The following DNAH9 variants were observed in gnomAD, a reference collection of about 807,000 sequenced individuals.
DNAH9 encodes the protein DNAH9 variant protein.
In DNAH9, 345 loss-of-function variants were observed where a neutral mutation model predicts 471.6. That is an observed-to-expected ratio of 0.73 (90% confidence interval 0.67 to 0.80). The LOEUF (loss-of-function observed/expected upper bound fraction) is 0.80, where lower values mean the gene tolerates loss of function less well. Among genes scored for constraint, DNAH9 ranks in the 30% least tolerant of loss-of-function variants. DNAH9 has a pLI of 0.00. For missense variants in DNAH9, 5,407 were observed against 5,609.2 expected, an observed-to-expected ratio of 0.96 and a Z score of 1.15; for synonymous variants, 2,093 against 2,123.6, an observed-to-expected ratio of 0.99 and a Z score of 0.40.
intron 49 of DNAH9, among the ~76,000 whole-genome samples, chr17:11,837,526 C>T (rs1295340532): frequency 6.6e-6 from 1 of 152,212 alleles, no homozygotes; most frequent in Non-Finnish European, 1.5e-5. Context: ...CTACTGCTAC[C>T]ACTCAGGTCC....
chr17:11,956,313 A>G (rs914639791), intron 67 of DNAH9, among the ~76,000 whole-genome samples: 15 of 152,192 alleles, frequency 9.9e-5, no homozygotes, highest in African/African-American at 3.6e-4. Flanking sequence ...GTGTATAGGC[A>G]CCTCATAACA....
intron 54 of DNAH9, 35 bp downstream of exon 54, chr17:11,880,235 G>A (rs766003039): frequency 6.2e-7 from 1 of 1,607,974 alleles, no homozygotes; most frequent in Non-Finnish European, 8.5e-7. Flanking sequence ...CCTTCGGGGG[G>A]AGCTGGTTCA....
intron 38 of DNAH9, among the ~76,000 whole-genome samples, chr17:11,770,250 G>A (rs927356724): frequency 6.2e-4 from 95 of 152,304 alleles, no homozygotes; most frequent in African/African-American, 2.2e-3. Flanking sequence ...AGCAGGCTTC[G>A]TGTGCACCAC....
chr17:11,856,955 C>T (rs1317179792), intron 50 of DNAH9, among the ~76,000 whole-genome samples: 8 of 151,972 alleles, frequency 5.3e-5, no homozygotes, highest in Non-Finnish European at 8.8e-5. Flanking sequence ...CTCAAGTGAA[C>T]GTTTTGCTTT....
At chr17:11,765,331 T>A (rs1967889028) in intron 36 of DNAH9, among the ~76,000 whole-genome samples, 1 of 152,248 alleles carries the variant, frequency 6.6e-6, no homozygotes, top group South Asian at 2.1e-4. Flanking sequence ...CTCTTCTCAG[T>A]CTGGATTGAT....
intron 11 of DNAH9, 97 bp from the exon 12 acceptor site, chr17:11,646,975 G>C: frequency 7.7e-7 from 1 of 1,296,590 alleles, no homozygotes. Flanking sequence ...TTGGGTCAAT[G>C]ACTAGTAGTA....
At chr17:11,815,656 G>T (rs772368369) in intron 45 of DNAH9, among the ~76,000 whole-genome samples, 1 of 152,096 alleles carries the variant, frequency 6.6e-6, no homozygotes, top group East Asian at 1.9e-4. Context: ...GGGCTTGATG[G>T]AGCGCACCTC....
chr17:11,854,451 A>G (rs1201547511), intron 50 of DNAH9, 23 bp downstream of exon 50: 1 of 1,592,514 alleles, frequency 6.3e-7, no homozygotes, highest in Non-Finnish European at 8.6e-7. Context: ...AGAGCCCCTC[A>G]CCCTGCTAGT....
chr17:11,607,764 T>G (rs566577865), intron 1 of DNAH9, among the ~76,000 whole-genome samples: 1 of 152,154 alleles, frequency 6.6e-6, no homozygotes, highest in African/African-American at 2.4e-5. Flanking sequence ...GAGATGGGTT[T>G]TTGCCATGTT....
intron 15 of DNAH9, among the ~76,000 whole-genome samples, chr17:11,667,013 A>G (rs567361861): frequency 6.6e-6 from 1 of 152,146 alleles, no homozygotes; most frequent in Non-Finnish European, 1.5e-5. Context: ...ACCTAGTAAA[A>G]TGATTTACGT....
chr17:11,712,517 C>T (rs1597524127), intron 26 of DNAH9, among the ~76,000 whole-genome samples: 1 of 151,602 alleles, frequency 6.6e-6, no homozygotes, highest in Non-Finnish European at 1.5e-5. Flanking sequence ...AAAGTGGCTG[C>T]ACCATTTTAC....
At position 11,905,792 on chromosome 17, in the gene DNAH9, AG is replaced by A. The variant is rs762599726; in HGVS notation, c.11734del (p.Asp3912MetfsTer2). The A allele has an allele frequency of 3.1e-6, 5 of 1,608,924 alleles. No individual in the cohort carries two copies. Among genetic ancestry groups the A allele is most frequent in the Non-Finnish European group, 4.2e-6 (5 of 1,177,316 alleles). The part of the protein sequence containing the change: ...FILSPGVDPL[K>X]DVESQGRKLG... ...CTGTCTCCAGGGGTGGACCCACTGA[AG>A]GATGTAGAAAGTCAAGGTGAGAAAG... is the stretch of plus-strand genomic sequence containing the variant. On this transcript the variant is annotated frameshift_variant, in exon 61 of 69. Transcript: ENST00000262442. LOFTEE classifies it high-confidence loss of function.
At position 11,704,438 on chromosome 17, in the gene DNAH9, A is replaced by T. The variant is rs2074661717; in HGVS notation, c.5387A>T (p.Gln1796Leu). ...GATGTGGTAGCCAAGATGATTGCTC[A>T]GAAGGTGGGTCCCAAACATCCAGGG... ...ARDVVAKMIA[Q>L]KVDNAQAFLW... Residue 1796 changes from glutamine to leucine, a missense_variant, in exon 25 of 69, where the codon CAG becomes CTG. Coordinates refer to ENST00000262442, the MANE Select transcript of DNAH9 (RefSeq NM_001372.4). The T allele has an allele frequency of 6.2e-7, 1 of 1,612,694 alleles. No homozygotes were observed. The highest frequency in any genetic ancestry group is 1.3e-5 in the African/African-American group (1 of 74,906).
chr17:11,607,738 T>G (rs551636188), intron 1 of DNAH9, among the ~76,000 whole-genome samples: 1 of 151,920 alleles, frequency 6.6e-6, no homozygotes, highest in East Asian at 1.9e-4. Context: ...CCCGGCTAAT[T>G]TTTGTATTTT....
At position 11,611,916 on chromosome 17, in the gene DNAH9, C is replaced by G. The variant is rs185937854; in HGVS notation, c.904+136C>G. 637 of 792,726 alleles carry G rather than the reference C, an allele frequency of 8.0e-4. No homozygotes were observed. Among genetic ancestry groups the G allele is most frequent in the Admixed American group, 1.5e-3 (77 of 52,382 alleles). 49.1% of individuals were successfully genotyped at this position (792,726 alleles called of 1,614,324 possible). Reference sequence around the variant, plus strand: ...GACCCGACACAAACTAGCATGGTGGCAAGAATACCACATCTAGATACATGA... The same window carrying G: ...GACCCGACACAAACTAGCATGGTGGGAAGAATACCACATCTAGATACATGA... On this transcript the variant is annotated intron_variant, in intron 4 of 68. Transcript: ENST00000262442.
Position 11,937,285 on chromosome 17 carries a change from A to G in DNAH9, c.12490-67A>G. 6.5e-7 allele frequency: 1 copy of G among 1,543,722 alleles called. No homozygotes were observed. Among genetic ancestry groups the G allele is most frequent in the Non-Finnish European group, 8.8e-7 (1 of 1,140,254 alleles). ...AGCCCATGGACTCCCTGCAGAGGACAAGCCGGTGTGGGAGATGGGAGGTAC... is the reference window on the plus strand; with the variant it reads ...AGCCCATGGACTCCCTGCAGAGGACGAGCCGGTGTGGGAGATGGGAGGTAC... On this transcript the variant is annotated intron_variant, in intron 65 of 68. Transcript: ENST00000262442. The surrounding 1 kb of genome is among the most constrained non-coding windows in gnomAD (Gnocchi z 4.1).
intron 26 of DNAH9, among the ~76,000 whole-genome samples, chr17:11,713,630 G>A (rs72810882): frequency 0.13 from 19,376 of 150,506 alleles, 1,540 homozygotes; most frequent in Middle Eastern, 0.19. Flanking sequence ...TTTATTTTAT[G>A]GACCATGCAT....
At chr17:11,737,800 G>A (rs139897282) in intron 28 of DNAH9, among the ~76,000 whole-genome samples, 41 of 152,334 alleles carry the variant, frequency 2.7e-4, no homozygotes, top group African/African-American at 9.9e-4. Flanking sequence ...GTCTGACCCA[G>A]CCTACCTTTG....
intron 10 of DNAH9, among the ~76,000 whole-genome samples, chr17:11,641,601 G>A (rs1325911098): frequency 6.6e-6 from 1 of 152,156 alleles, no homozygotes; most frequent in Non-Finnish European, 1.5e-5. Flanking sequence ...AATCCAGAAT[G>A]CTTCCCGGGG....
Sources: gnomAD v4.1 joint callset for allele counts (sites outside exome capture counted in the v4.1 genomes callset) on GRCh38, gnomAD v4.1.1 for gene constraint, Gnocchi (gnomAD v3.1) non-coding constraint, MANE v1.5 for transcripts, NCBI Gene and HGNC (gene_info 2026-07-23, HGNC 2026-07-21) for gene names.